The following LAMA2 variants were observed in gnomAD, a reference collection of about 807,000 sequenced individuals.
LAMA2 encodes laminin subunit alpha 2, also known as laminin subunit alpha-2.
A neutral mutation model predicts 364.8 loss-of-function variants in LAMA2; 269 were observed. The ratio of observed to expected loss-of-function variants is 0.74; its 90% confidence interval spans 0.67 to 0.82. LAMA2 has a LOEUF of 0.82. Ranked by LOEUF, LAMA2 falls within the 40% of genes least tolerant of loss-of-function variation. The probability of loss-of-function intolerance (pLI) is 0.00; values close to 1 mark genes in which losing one functional copy is unlikely to be tolerated. For synonymous variants in LAMA2, 1,379 were observed against 1,370.6 expected, an observed-to-expected ratio of 1.01 and a Z score of -0.14; for missense variants, 3,807 against 3,873.2, an observed-to-expected ratio of 0.98 and a Z score of 0.45.
intron 19 of LAMA2, among the ~76,000 whole-genome samples, chr6:129,289,633 A>T (rs528619000): frequency 6.6e-6 from 1 of 152,072 alleles, no homozygotes; most frequent in East Asian, 1.9e-4. Flanking sequence ...TTATTGTGGG[A>T]TTATTTTATT....
At chr6:128,893,563 A>G (rs1388070174) in intron 1 of LAMA2, among the ~76,000 whole-genome samples, 1 of 151,980 alleles carries the variant, frequency 6.6e-6, no homozygotes, top group Non-Finnish European at 1.5e-5. Flanking sequence ...AGAAGAAAAT[A>G]TGGTATCTGA....
chr6:129,048,497 C>CT (rs1787728086), intron 1 of LAMA2, among the ~76,000 whole-genome samples: 933 of 46,878 alleles, frequency 0.02, 4 homozygotes, highest in East Asian at 0.069. Flanking sequence ...TCTTTCTTTC[C>CT]TTCCTTCCTT....
Position 129,512,303 on chromosome 6 carries a change from C to T in LAMA2, c.8858-60C>T, listed in dbSNP as rs1009460841. 6.5e-5 allele frequency: 96 copies of T among 1,487,166 alleles called. 1 individual carries two copies. Among genetic ancestry groups the T allele is most frequent in the South Asian group, 2.5e-4 (22 of 88,182 alleles). The allele number at this position is 1,487,166 out of a possible 1,614,324, so 92.1% of individuals were successfully genotyped here. A position where few individuals can be genotyped will look rare whatever the true frequency, so the allele number is the denominator to read the frequency against. On this transcript the variant is annotated intron_variant, in intron 62 of 64. Transcript: ENST00000421865. The stretch of plus-strand genomic sequence containing the variant: ...ATAATAAAAAGTCATGCATTGTACA[C>T]GTTTGAATTAACAATCCCCATCCTC...
chr6:128,918,573 A>G (rs947722597), intron 1 of LAMA2, among the ~76,000 whole-genome samples: 3 of 152,188 alleles, frequency 2.0e-5, no homozygotes, highest in Non-Finnish European at 2.9e-5. Flanking sequence ...CACCCAACCT[A>G]TTGTAGAACT....
At chr6:129,423,670 G>A (rs557660626) in intron 40 of LAMA2, among the ~76,000 whole-genome samples, 7 of 152,154 alleles carry the variant, frequency 4.6e-5, no homozygotes, top group South Asian at 4.1e-4. Flanking sequence ...GCAAGGATAC[G>A]TTGGAAGTTG....
At chr6:129,463,631 A>G (rs546692194) in intron 49 of LAMA2, among the ~76,000 whole-genome samples, 6 of 152,184 alleles carry the variant, frequency 3.9e-5, no homozygotes, top group Middle Eastern at 3.4e-3. Flanking sequence ...TTATGCATCC[A>G]ATATTGATTA....
At chr6:129,251,357 G>A (rs1005522734) in intron 13 of LAMA2, among the ~76,000 whole-genome samples, 3 of 151,734 alleles carry the variant, frequency 2.0e-5, no homozygotes, top group Non-Finnish European at 4.4e-5. Context: ...TCAGTTTTAA[G>A]TTTCTTTCCC....
chr6:129,276,623 G>A (rs1457957741), intron 17 of LAMA2, among the ~76,000 whole-genome samples: 1 of 152,022 alleles, frequency 6.6e-6, no homozygotes, highest in Non-Finnish European at 1.5e-5. Flanking sequence ...CAATTGTTTT[G>A]CTTTTGGCTT....
intron 8 of LAMA2, 128 bp from the exon 9 acceptor site, chr6:129,165,445 ATTC>A (rs1435788257): frequency 6.6e-6 from 4 of 610,216 alleles, no homozygotes; most frequent in Non-Finnish European, 8.8e-6. Flanking sequence ...ATTAAAGGTA[ATTC>A]TTATAGTTTT....
chr6:129,178,542 GTA>G (rs1780747324), intron 10 of LAMA2, among the ~76,000 whole-genome samples: 1 of 152,128 alleles, frequency 6.6e-6, no homozygotes, highest in African/African-American at 2.4e-5. Flanking sequence ...TTTACCTATA[GTA>G]ATGAGTTCTA....
chr6:128,924,812 G>A (rs1405657216), intron 1 of LAMA2, among the ~76,000 whole-genome samples: 4 of 152,040 alleles, frequency 2.6e-5, no homozygotes, highest in African/African-American at 9.7e-5. Context: ...ACACAATTAC[G>A]TCTTCTTTTA....
chr6:129,207,548 T>A (rs1214788203), intron 12 of LAMA2, among the ~76,000 whole-genome samples: 1 of 152,132 alleles, frequency 6.6e-6, no homozygotes, highest in African/African-American at 2.4e-5. Context: ...TTTGTAGAGA[T>A]CAATAGTGTA....
At chr6:129,438,499 T>C (rs1781942734) in intron 41 of LAMA2, 147 bp from the exon 42 acceptor site, 1 of 538,412 alleles carries the variant, frequency 1.9e-6, no homozygotes, top group Non-Finnish European at 3.3e-6. Flanking sequence ...TGATTGGAAA[T>C]ATATTTATGT....
intron 52 of LAMA2, 47 bp from the exon 53 acceptor site, chr6:129,475,343 A>T (rs1462046349): frequency 2.1e-5 from 23 of 1,106,536 alleles, no homozygotes; most frequent in Non-Finnish European, 2.9e-5. Context: ...AATTATAAGT[A>T]AATTGTTTTT....
chr6:129,023,980 A>C lies in LAMA2; in HGVS notation c.113-25938A>C, dbSNP rs530905450. On this transcript the variant is annotated intron_variant, in intron 1 of 64. Transcript: ENST00000421865. ...AGAGACGAGGCAGGTGAATAGGTAT[A>C]GACTGAATGCTCCTAAGCTAGATGA... Among the ~76,000 whole-genome samples, 3 of 152,308 alleles carry C rather than the reference A, an allele frequency of 2.0e-5. No individual in the cohort carries two copies. The South Asian group carries it at 6.2e-4, about 32-fold the overall frequency.
At chr6:129,224,857 TAG>T (rs1329150216) in intron 12 of LAMA2, among the ~76,000 whole-genome samples, 3 of 152,230 alleles carry the variant, frequency 2.0e-5, no homozygotes, top group African/African-American at 4.8e-5. Flanking sequence ...TCAAATGAGT[TAG>T]AGAGGATTCC....
chr6:128,934,644 G>C (rs1367722976), intron 1 of LAMA2, among the ~76,000 whole-genome samples: 4 of 151,996 alleles, frequency 2.6e-5, no homozygotes, highest in Non-Finnish European at 5.9e-5. Context: ...TGAGATTACA[G>C]GTGCACACCA....
chr6:129,291,184 G>A (rs1789668614), intron 19 of LAMA2, among the ~76,000 whole-genome samples: 1 of 152,118 alleles, frequency 6.6e-6, no homozygotes, highest in Non-Finnish European at 1.5e-5. Flanking sequence ...AGTATTTTAA[G>A]TGTTACCCTG....
chr6:129,020,102 G>GAAAAAAAAAA (rs57907508), intron 1 of LAMA2, among the ~76,000 whole-genome samples: 102 of 134,024 alleles, frequency 7.6e-4, no homozygotes, highest in South Asian at 1.2e-3. Context: ...GAAAAAAAAA[G>GAAAAAAAAAA]AAAAAAAAAA....
Sources: gnomAD v4.1 joint callset for allele counts (sites outside exome capture counted in the v4.1 genomes callset) on GRCh38, gnomAD v4.1.1 for gene constraint, MANE v1.5 for transcripts, NCBI Gene and HGNC (gene_info 2026-07-23, HGNC 2026-07-21) for gene names.